PTPRT: variants seen among roughly 807,000 people sequenced by gnomAD.
PTPRT encodes the protein receptor-type tyrosine-protein phosphatase T.
Under a neutral mutation model 176.8 loss-of-function variants are expected in PTPRT, and 56 were observed. The observed-to-expected ratio is 0.32, with a 90% confidence interval of 0.26 to 0.40. The LOEUF (loss-of-function observed/expected upper bound fraction) is 0.40. PTPRT is among the 10% of genes least tolerant of loss of function. PTPRT has a pLI of 1.00. For synonymous variants in PTPRT, 783 were observed against 739.0 expected (o/e 1.06, Z -0.96); for missense variants, 1,540 against 1,908.2 (o/e 0.81, Z 3.60).
At chr20:42,883,729 C>CATGCACA (rs1241979748) in intron 2 of PTPRT, among the ~76,000 whole-genome samples, 1 of 128,078 alleles carries the variant, frequency 7.8e-6, no homozygotes, top group Non-Finnish European at 1.7e-5. Flanking sequence ...CACCCATACA[C>CATGCACA]CCCCATACAC....
intron 2 of PTPRT, among the ~76,000 whole-genome samples, chr20:42,793,920 T>G (rs2077414032): frequency 6.6e-6 from 1 of 151,842 alleles, no homozygotes; most frequent in African/African-American, 2.4e-5. Context: ...AAGCAAAGTG[T>G]CTCTCTCCTC....
intron 7 of PTPRT, among the ~76,000 whole-genome samples, chr20:42,570,169 C>A (rs2073129816): frequency 6.6e-6 from 1 of 152,136 alleles, no homozygotes; most frequent in Non-Finnish European, 1.5e-5. Flanking sequence ...GTGTCTGGGG[C>A]ATCTCTCCCA....
chr20:43,098,668 G>A (rs1282603893), intron 1 of PTPRT, among the ~76,000 whole-genome samples: 1 of 151,346 alleles, frequency 6.6e-6, no homozygotes, highest in Non-Finnish European at 1.5e-5. Context: ...ATGCAATACT[G>A]TTGGAAAGTG....
intron 26 of PTPRT, among the ~76,000 whole-genome samples, chr20:42,101,763 G>C (rs1985957785): frequency 6.6e-6 from 1 of 152,238 alleles, no homozygotes; most frequent in Non-Finnish European, 1.5e-5. Flanking sequence ...CCCACGCTCA[G>C]GCCAAGGCCC....
At chr20:42,209,958 T>A (rs1600680441) in intron 15 of PTPRT, among the ~76,000 whole-genome samples, 1 of 152,284 alleles carries the variant, frequency 6.6e-6, no homozygotes, top group East Asian at 1.9e-4. Context: ...CATGATCAAG[T>A]GGGCTTCCTC....
At chr20:42,503,280 T>G (rs2071787709) in intron 7 of PTPRT, among the ~76,000 whole-genome samples, 1 of 152,092 alleles carries the variant, frequency 6.6e-6, no homozygotes, top group South Asian at 2.1e-4. Flanking sequence ...TCATTAAATA[T>G]TTGGATATTC....
chr20:42,633,934 TAA>T (rs2074489389), intron 7 of PTPRT, among the ~76,000 whole-genome samples: 1 of 33,052 alleles, frequency 3.0e-5, no homozygotes, highest in Non-Finnish European at 5.4e-5. Flanking sequence ...TATATTATAA[TAA>T]TATAATATAA....
intron 4 of PTPRT, among the ~76,000 whole-genome samples, chr20:42,775,710 T>C (rs1055714840): frequency 2.0e-5 from 3 of 152,318 alleles, no homozygotes; most frequent in African/African-American, 7.2e-5. Context: ...TGCCAATCAA[T>C]TGAAGATACA....
intron 7 of PTPRT, among the ~76,000 whole-genome samples, chr20:42,483,695 C>T (rs1203334585): frequency 6.6e-6 from 1 of 152,244 alleles, no homozygotes; most frequent in Non-Finnish European, 1.5e-5. Flanking sequence ...ACAAAGCAGC[C>T]TATTGACTGA....
chr20:42,519,530 A>C (rs1489971114), intron 7 of PTPRT, among the ~76,000 whole-genome samples: 1 of 152,134 alleles, frequency 6.6e-6, no homozygotes, highest in Non-Finnish European at 1.5e-5. Flanking sequence ...TTGTTGACCC[A>C]GGAGTGGTTG....
At chr20:42,902,890 A>C (rs2079424456) in intron 1 of PTPRT, among the ~76,000 whole-genome samples, 1 of 152,194 alleles carries the variant, frequency 6.6e-6, no homozygotes, top group African/African-American at 2.4e-5. Context: ...TCTGGATTTC[A>C]TTCATTAATG....
At chr20:42,131,497 G>A (rs1797623942) in intron 18 of PTPRT, among the ~76,000 whole-genome samples, 1 of 152,140 alleles carries the variant, frequency 6.6e-6, no homozygotes, top group Admixed American at 6.5e-5. Flanking sequence ...AAATGAAGTT[G>A]AAAAACCGGA....
intron 11 of PTPRT, among the ~76,000 whole-genome samples, chr20:42,345,881 G>A (rs956498477): frequency 7.9e-5 from 12 of 152,090 alleles, no homozygotes; most frequent in Non-Finnish European, 1.8e-4. Context: ...CAAGGCTAAG[G>A]ACAGATTCTG....
intron 1 of PTPRT, among the ~76,000 whole-genome samples, chr20:42,950,224 C>T (rs1244952836): frequency 3.9e-5 from 6 of 152,304 alleles, no homozygotes; most frequent in South Asian, 2.1e-4. Context: ...GAACTCCCCA[C>T]GCCTTCTCAC....
At chr20:42,746,435 C>T (rs6030455) in intron 6 of PTPRT, among the ~76,000 whole-genome samples, 1 of 151,928 alleles carries the variant, frequency 6.6e-6, no homozygotes, top group African/African-American at 2.4e-5. Context: ...AACATAGGCA[C>T]GCACTTTGTT....
intron 9 of PTPRT, among the ~76,000 whole-genome samples, chr20:42,384,318 G>T (rs538256293): frequency 1.3e-5 from 2 of 152,210 alleles, no homozygotes; most frequent in South Asian, 2.1e-4. Flanking sequence ...TGTGTACAAG[G>T]TTGTGTCAAA....
rs544420435 is a variant in PTPRT at position 42,269,352 on chromosome 20, C to T, written c.2176+13137G>A. Among the ~76,000 whole-genome samples, 30 of 152,258 alleles carry T rather than the reference C, an allele frequency of 2.0e-4. 1 individual carries two copies. The South Asian group carries it at 5.6e-3, about 28-fold the overall frequency. The stretch of plus-strand genomic sequence containing the variant: ...ACTCATGTCATCACAGCCTGCTGCA[C>T]CTCCTTCTCCACCATGATAAACTGA... On this transcript the variant is annotated intron_variant, in intron 13 of 30. Coordinates refer to ENST00000373187, the MANE Select transcript of PTPRT (RefSeq NM_007050.6).
intron 7 of PTPRT, among the ~76,000 whole-genome samples, chr20:42,550,402 C>T (rs1490410249): frequency 6.6e-6 from 1 of 151,942 alleles, no homozygotes; most frequent in Non-Finnish European, 1.5e-5. Context: ...CAAATGCCAC[C>T]CCTGAGCTTT....
intron 7 of PTPRT, among the ~76,000 whole-genome samples, chr20:42,548,972 A>G (rs1450919209): frequency 6.6e-6 from 1 of 152,224 alleles, no homozygotes; most frequent in African/African-American, 2.4e-5. Flanking sequence ...ACTCCAGGGC[A>G]GAGCTGGGGA....
Sources: gnomAD v4.1 joint callset for allele counts (sites outside exome capture counted in the v4.1 genomes callset) on GRCh38, gnomAD v4.1.1 for gene constraint, MANE v1.5 for transcripts, NCBI Gene and HGNC (gene_info 2026-07-23, HGNC 2026-07-21) for gene names.